The following DNAH9 variants were observed in gnomAD, a reference collection of about 807,000 sequenced individuals.
DNAH9 encodes the protein dynein axonemal heavy chain 9, also known as DNAH9 variant protein.
Under a neutral mutation model 471.6 loss-of-function variants are expected in DNAH9, and 345 were observed. The observed-to-expected ratio is 0.73, with a 90% confidence interval of 0.67 to 0.80. The LOEUF (loss-of-function observed/expected upper bound fraction) is 0.80. DNAH9 is among the 30% of genes least tolerant of loss of function. The pLI is 0.00. For synonymous variants in DNAH9, 2,093 were observed against 2,123.6 expected (o/e 0.99, Z 0.40); for missense variants, 5,407 against 5,609.2 (o/e 0.96, Z 1.15).
intron 55 of DNAH9, among the ~76,000 whole-genome samples, chr17:11,881,870 C>T (rs1291281162): frequency 6.6e-6 from 1 of 151,964 alleles, no homozygotes; most frequent in Non-Finnish European, 1.5e-5. Context: ...CAAGATCGTG[C>T]CACTGCACTC....
At chr17:11,826,283 C>T (rs1226899241) in intron 48 of DNAH9, among the ~76,000 whole-genome samples, 1 of 152,040 alleles carries the variant, frequency 6.6e-6, no homozygotes. Context: ...GAGACCACCA[C>T]CAATGACCTT....
At position 11,744,956 on chromosome 17, in the gene DNAH9, A is replaced by T. The variant is rs757091408; in HGVS notation, c.6271A>T (p.Met2091Leu). ...KIVTDDMPIF[M>L]GLIGDLFPAL... ...TGTGACTGATGACATGCCCATCTTC[A>T]TGGGCCTGATCGGGGACCTCTTTCC... is the stretch of plus-strand genomic sequence containing the variant. The change falls in exon 31 of 69, where the codon ATG (methionine) becomes TTG (leucine). Residue 2091 changes from methionine (M) to leucine (L), a missense_variant. Physicochemically the swap from Met to Leu is conservative, Grantham distance 15 (BLOSUM62 2). Coordinates refer to ENST00000262442, the MANE Select transcript of DNAH9 (RefSeq NM_001372.4). 9 of 1,614,164 alleles carry T rather than the reference A, an allele frequency of 5.6e-6. No individual in the cohort carries two copies. Among genetic ancestry groups the T allele is most frequent in the Non-Finnish European group, 7.6e-6 (9 of 1,180,030 alleles).
chr17:11,932,101 C>A lies in DNAH9; in HGVS notation c.12193C>A (p.Arg4065=). 1 of 1,614,028 alleles carries A rather than the reference C, an allele frequency of 6.2e-7. No individual in the cohort carries two copies. The highest frequency in any genetic ancestry group is 8.5e-7 in the Non-Finnish European group (1 of 1,180,026). Residue 4065 remains arginine (R), a synonymous_variant, in exon 64 of 69, where the codon CGA becomes AGA. Transcript: ENST00000262442. This position sits in a 1 kb window ranked among gnomAD's most constrained non-coding sequence, Gnocchi z 4.3. ...CTTCCATGCGGTGGTGGCAGAAAGA[C>A]GAAAATTTGGGCCCCAGGGATGGAA... ...CYFHAVVAER[R]KFGPQGWNRS...
At chr17:11,959,670 T>C (rs1489635464) in intron 67 of DNAH9, among the ~76,000 whole-genome samples, 1 of 152,200 alleles carries the variant, frequency 6.6e-6, no homozygotes, top group Non-Finnish European at 1.5e-5. Flanking sequence ...CTCATCAAAT[T>C]CGGGTTTGGT....
At chr17:11,728,912 G>A (rs768182636) in intron 28 of DNAH9, among the ~76,000 whole-genome samples, 1 of 152,154 alleles carries the variant, frequency 6.6e-6, no homozygotes, top group Non-Finnish European at 1.5e-5. Flanking sequence ...TGGTAAGGTT[G>A]GTATGTGCAC....
At chr17:11,968,786 C>G (rs76638363) in intron 68 of DNAH9, among the ~76,000 whole-genome samples, 1,643 of 152,250 alleles carry the variant, frequency 0.011, 33 homozygotes, top group African/African-American at 0.038. Context: ...CTACAGAATA[C>G]TCAGGTCCAC....
At chr17:11,800,188 T>C (rs1159788197) in intron 43 of DNAH9, among the ~76,000 whole-genome samples, 1 of 152,094 alleles carries the variant, frequency 6.6e-6, no homozygotes, top group Non-Finnish European at 1.5e-5. Context: ...CGTCTTCCCG[T>C]CATCAAATCT....
chr17:11,956,949 C>A (rs1975670713), intron 67 of DNAH9, among the ~76,000 whole-genome samples: 1 of 150,210 alleles, frequency 6.7e-6, no homozygotes, highest in African/African-American at 2.4e-5. Context: ...AAAGTGAAAA[C>A]AAAAAAATTA....
At chr17:11,661,831 A>C (rs1423371269) in intron 14 of DNAH9, among the ~76,000 whole-genome samples, 1 of 152,104 alleles carries the variant, frequency 6.6e-6, no homozygotes, top group Non-Finnish European at 1.5e-5. Context: ...ATGCAGTGTT[A>C]TAGTTTTTAC....
chr17:11,666,173 A>G (rs537499862), intron 15 of DNAH9, among the ~76,000 whole-genome samples: 1 of 152,188 alleles, frequency 6.6e-6, no homozygotes, highest in East Asian at 1.9e-4. Context: ...ACGGACCAGC[A>G]CTGGTGGTGT....
Position 11,892,442 on chromosome 17 carries a change from C to T in DNAH9, c.11283+495C>T, listed in dbSNP as rs186244680. On this transcript the variant is annotated intron_variant, in intron 58 of 68. Coordinates refer to ENST00000262442, the MANE Select transcript of DNAH9 (RefSeq NM_001372.4). This position sits in a 1 kb window ranked among gnomAD's most constrained non-coding sequence, Gnocchi z 4.3. ...CTTGACCTTAGAAAGTTTTCAATAA[C>T]GTTGGTTCTCAAGGGTTTGGGAAGC... Among the ~76,000 whole-genome samples, 55 of 152,266 alleles carry T rather than the reference C, an allele frequency of 3.6e-4. No homozygotes were observed. The highest frequency in any genetic ancestry group is 1.3e-3 in the African/African-American group (53 of 41,544).
intron 26 of DNAH9, among the ~76,000 whole-genome samples, chr17:11,713,085 G>A (rs1311742664): frequency 6.6e-6 from 1 of 151,920 alleles, no homozygotes; most frequent in Non-Finnish European, 1.5e-5. Flanking sequence ...TCTAGTATCT[G>A]TTGTTTCCTT....
At chr17:11,644,766 C>A (rs1349300601) in intron 11 of DNAH9, 67 bp downstream of exon 11, 1 of 1,121,294 alleles carries the variant, frequency 8.9e-7, no homozygotes, top group Non-Finnish European at 1.3e-6. Context: ...TTTGCAGCTC[C>A]GAGTTTGTGC....
intron 42 of DNAH9, among the ~76,000 whole-genome samples, chr17:11,796,172 T>C (rs1481606156): frequency 6.6e-6 from 1 of 152,226 alleles, no homozygotes; most frequent in Non-Finnish European, 1.5e-5. Flanking sequence ...CTTTAGTTCC[T>C]CCTCCGCTAG....
At chr17:11,615,733 A>C (rs903282767) in intron 4 of DNAH9, among the ~76,000 whole-genome samples, 5 of 152,342 alleles carry the variant, frequency 3.3e-5, no homozygotes, top group African/African-American at 7.2e-5. Context: ...AATGCTAATT[A>C]GTATAATTAA....
intron 36 of DNAH9, among the ~76,000 whole-genome samples, chr17:11,766,375 G>A (rs1406814384): frequency 6.6e-6 from 1 of 151,906 alleles, no homozygotes; most frequent in Non-Finnish European, 1.5e-5. Flanking sequence ...GAAACGTAAG[G>A]TAGAGAAAAC....
intron 37 of DNAH9, 74 bp from the exon 38 acceptor site, chr17:11,769,048 C>A: frequency 6.6e-7 from 1 of 1,507,076 alleles, no homozygotes; most frequent in Non-Finnish European, 9.2e-7. Context: ...TTCTGAAATG[C>A]TTCGGAACGC....
At chr17:11,600,773 T>C (rs2072368602) in intron 1 of DNAH9, among the ~76,000 whole-genome samples, 1 of 152,306 alleles carries the variant, frequency 6.6e-6, no homozygotes, top group Non-Finnish European at 1.5e-5. Context: ...TGAGCCACCA[T>C]GTCCAACCGG....
intron 48 of DNAH9, among the ~76,000 whole-genome samples, chr17:11,830,779 T>C (rs373648276): frequency 6.6e-6 from 1 of 152,208 alleles, no homozygotes; most frequent in African/African-American, 2.4e-5. Context: ...GGGCTTAATT[T>C]GAACAGGGCT....
Sources: allele counts gnomAD v4.1 joint callset (sites outside exome capture counted in the v4.1 genomes callset), GRCh38; gene constraint gnomAD v4.1.1; non-coding constraint Gnocchi (gnomAD v3.1); transcripts MANE v1.5; gene names NCBI Gene and HGNC (gene_info 2026-07-23, HGNC 2026-07-21).